GPHN: variants seen among roughly 807,000 people sequenced by gnomAD.
The protein encoded by GPHN is gephyrin.
In GPHN, 17 loss-of-function variants were observed where a neutral mutation model predicts 95.5. The observed-to-expected ratio is 0.18, with a 90% CI of 0.12 to 0.27. The LOEUF is 0.27. Ranked by LOEUF, GPHN falls within the 10% of genes least tolerant of loss-of-function variation. The pLI, the probability that GPHN is intolerant of heterozygous loss-of-function variation, is 1.00. For synonymous variants in GPHN, 320 were observed against 322.5 expected (o/e 0.99, Z 0.08); for missense variants, 660 against 978.1 (o/e 0.67, Z 4.34).
At chr14:66,900,267 C>T (rs868136045) in intron 5 of GPHN, among the ~76,000 whole-genome samples, 40 of 151,554 alleles carry the variant, frequency 2.6e-4, no homozygotes, top group Middle Eastern at 3.4e-3. Context: ...TATTTCATTC[C>T]TTCTCCTTGT....
chr14:67,704,270 C>T, the GPHN span, among the ~76,000 whole-genome samples: 1 of 151,866 alleles, frequency 6.6e-6, no homozygotes, highest in Non-Finnish European at 1.5e-5. Context: ...CAGCTAGAGG[C>T]AAAAAGGAGA....
intron 17 of GPHN, among the ~76,000 whole-genome samples, chr14:67,133,972 G>A (rs1036607338): frequency 6.6e-6 from 1 of 152,198 alleles, no homozygotes; most frequent in Non-Finnish European, 1.5e-5. Context: ...AGGGAGAAGA[G>A]TATTATCTAC....
chr14:67,641,507 C>T, the GPHN span, among the ~76,000 whole-genome samples: 1 of 152,184 alleles, frequency 6.6e-6, no homozygotes, highest in Admixed American at 6.5e-5. Flanking sequence ...TTTTAGTTGC[C>T]TCACACAACT....
the GPHN span, among the ~76,000 whole-genome samples, chr14:67,665,805 C>A: frequency 3.3e-5 from 5 of 152,098 alleles, no homozygotes; most frequent in Admixed American, 3.3e-4. Context: ...ACACAAGATA[C>A]TTCAGACAAT....
the GPHN span, among the ~76,000 whole-genome samples, chr14:67,311,631 T>C: frequency 6.6e-6 from 1 of 152,168 alleles, no homozygotes; most frequent in East Asian, 1.9e-4. Context: ...GAATAGTCTG[T>C]CATATCTTAC....
intron 5 of GPHN, among the ~76,000 whole-genome samples, chr14:66,901,614 CATTA>C (rs2065134364): frequency 6.6e-6 from 1 of 152,030 alleles, no homozygotes; most frequent in South Asian, 2.1e-4. Flanking sequence ...TTCTCCACAT[CATTA>C]ATTGAAAAGA....
chr14:67,532,268 A>G, the GPHN span, among the ~76,000 whole-genome samples: 2 of 152,164 alleles, frequency 1.3e-5, no homozygotes, highest in African/African-American at 2.4e-5. Flanking sequence ...GCCTGGGATG[A>G]GTCTTCCAAG....
chr14:67,650,440 C>T, the GPHN span: 143 of 419,340 alleles, frequency 3.4e-4, 2 homozygotes, highest in East Asian at 5.6e-3. Flanking sequence ...TTTTCCAGAA[C>T]GCCTGACAAT....
At chr14:66,977,953 C>A (rs2070373682) in intron 9 of GPHN, among the ~76,000 whole-genome samples, 1 of 152,134 alleles carries the variant, frequency 6.6e-6, no homozygotes, top group South Asian at 2.1e-4. Context: ...CAGTTGCAGA[C>A]CACTGCAATA....
intron 10 of GPHN, among the ~76,000 whole-genome samples, chr14:67,038,049 A>G (rs1042722394): frequency 3.9e-5 from 6 of 152,098 alleles, no homozygotes; most frequent in Non-Finnish European, 7.4e-5. Context: ...TATGAAAGTA[A>G]TCTTAATGTT....
intron 3 of GPHN, among the ~76,000 whole-genome samples, chr14:66,781,844 A>T (rs1296660148): frequency 6.6e-6 from 1 of 152,176 alleles, no homozygotes; most frequent in Non-Finnish European, 1.5e-5. Context: ...TTATTATAAG[A>T]GCATCCTGGT....
intron 9 of GPHN, among the ~76,000 whole-genome samples, chr14:67,016,353 T>C (rs2073310666): frequency 6.6e-6 from 1 of 152,104 alleles, no homozygotes. Flanking sequence ...TATTTTTAAA[T>C]GCATTAAATA....
chr14:67,199,032 C>A, the GPHN span: 1 of 724,818 alleles, frequency 1.4e-6, no homozygotes, highest in Non-Finnish European at 2.5e-6. Context: ...CTTCAAAAGG[C>A]AAGAAGAGGA....
At chr14:67,216,455 A>T in the GPHN span, among the ~76,000 whole-genome samples, 1 of 151,748 alleles carries the variant, frequency 6.6e-6, no homozygotes, top group East Asian at 1.9e-4. Flanking sequence ...AGTTTGGATT[A>T]TTCATGCTTT....
the GPHN span, among the ~76,000 whole-genome samples, chr14:67,226,875 G>A: frequency 6.6e-6 from 1 of 152,112 alleles, no homozygotes; most frequent in African/African-American, 2.4e-5. Flanking sequence ...TGTATGGTGT[G>A]GAGACAGCGA....
At chr14:67,688,597 TC>T in the GPHN span, among the ~76,000 whole-genome samples, 3 of 139,920 alleles carry the variant, frequency 2.1e-5, no homozygotes, top group Non-Finnish European at 4.9e-5. Flanking sequence ...TGCTTTGAAC[TC>T]TTTTTTTTTT....
chr14:67,338,815 A>G, the GPHN span: 2 of 1,497,092 alleles, frequency 1.3e-6, no homozygotes, highest in Non-Finnish European at 1.8e-6. Context: ...AATATTAAGT[A>G]GATTTGATTT....
intron 2 of GPHN, among the ~76,000 whole-genome samples, chr14:66,686,146 G>T (rs1257023735): frequency 6.6e-6 from 1 of 152,174 alleles, no homozygotes; most frequent in East Asian, 1.9e-4. Flanking sequence ...TTTGGTTACT[G>T]TAGCCTTGTA....
intron 1 of GPHN, chr14:66,509,088 GGT>G (rs2057921852): frequency 5.5e-6 from 1 of 180,602 alleles, no homozygotes; most frequent in Admixed American, 5.6e-5. Context: ...ACGAGACTCA[GGT>G]GTTAATCAGA....
Sources: allele counts gnomAD v4.1 joint callset (sites outside exome capture counted in the v4.1 genomes callset), GRCh38; gene constraint gnomAD v4.1.1; transcripts MANE v1.5; gene names NCBI Gene and HGNC (gene_info 2026-07-23, HGNC 2026-07-21).